AP3B1: variants seen among roughly 807,000 people sequenced by gnomAD.
AP3B1 encodes adaptor related protein complex 3 subunit beta 1.
Under a neutral mutation model 132.5 loss-of-function variants are expected in AP3B1, and 61 were observed. The ratio of observed to expected loss-of-function variants is 0.46; its 90% CI spans 0.37 to 0.57. AP3B1 has a LOEUF of 0.57. Among genes scored for constraint, AP3B1 ranks in the 20% least tolerant of loss-of-function variants. The pLI, the probability that AP3B1 is intolerant of heterozygous loss-of-function variation, is 0.00. For synonymous variants in AP3B1, 388 were observed against 438.3 expected (o/e 0.89, Z 1.43); for missense variants, 1,120 against 1,289.4 (o/e 0.87, Z 2.01).
At chr5:78,202,842 T>C (rs968931327) in intron 7 of AP3B1, among the ~76,000 whole-genome samples, 16 of 152,134 alleles carry the variant, frequency 1.1e-4, no homozygotes, top group Admixed American at 2.0e-4. Flanking sequence ...TAAACAAATA[T>C]TGAATTCTAA....
At chr5:78,055,500 G>A (rs1748772560) in intron 22 of AP3B1, among the ~76,000 whole-genome samples, 1 of 152,190 alleles carries the variant, frequency 6.6e-6, no homozygotes, top group African/African-American at 2.4e-5. Context: ...GTGACAGTGT[G>A]TTGCTGGTGA....
chr5:78,114,304 G>C (rs894746895), intron 18 of AP3B1, among the ~76,000 whole-genome samples: 2 of 152,064 alleles, frequency 1.3e-5, no homozygotes, highest in East Asian at 1.9e-4. Flanking sequence ...TCTTCTGCTT[G>C]TAATGGGAAA....
intron 2 of AP3B1, among the ~76,000 whole-genome samples, chr5:78,247,167 A>G (rs1164430651): frequency 1.3e-5 from 2 of 151,384 alleles, no homozygotes; most frequent in Non-Finnish European, 3.0e-5. Flanking sequence ...GTTTAATTCT[A>G]TATGGTCAGA....
At chr5:78,138,829 G>C (rs931284083) in intron 15 of AP3B1, among the ~76,000 whole-genome samples, 2 of 151,644 alleles carry the variant, frequency 1.3e-5, no homozygotes, top group African/African-American at 4.8e-5. Context: ...AATTAGCCAG[G>C]CATGGTGGCA....
intron 14 of AP3B1, among the ~76,000 whole-genome samples, chr5:78,144,394 G>A (rs1182207065): frequency 2.0e-5 from 3 of 152,160 alleles, no homozygotes; most frequent in Non-Finnish European, 4.4e-5. Flanking sequence ...GAAAGATTTT[G>A]CAGATCACTC....
intron 7 of AP3B1, among the ~76,000 whole-genome samples, chr5:78,208,316 G>T (rs1745595729): frequency 6.6e-6 from 1 of 152,144 alleles, no homozygotes; most frequent in African/African-American, 2.4e-5. Context: ...ACTGTGTTCA[G>T]CTATATATAA....
intron 22 of AP3B1, among the ~76,000 whole-genome samples, chr5:78,041,518 C>T (rs1748085566): frequency 6.6e-6 from 1 of 151,298 alleles, no homozygotes; most frequent in South Asian, 2.1e-4. Context: ...ATGATTAGGT[C>T]ACTGCACTCC....
At chr5:78,096,373 C>T (rs1206287312) in intron 21 of AP3B1, among the ~76,000 whole-genome samples, 2 of 152,218 alleles carry the variant, frequency 1.3e-5, no homozygotes, top group African/African-American at 4.8e-5. Context: ...ACCTCCACCT[C>T]CCAGCCACCT....
At chr5:78,053,104 T>C (rs947416018) in intron 22 of AP3B1, among the ~76,000 whole-genome samples, 4 of 152,258 alleles carry the variant, frequency 2.6e-5, no homozygotes, top group African/African-American at 9.6e-5. Flanking sequence ...GCAGTTCTAC[T>C]GCTTTTTCAT....
At chr5:78,198,491 G>A (rs1187187736) in intron 7 of AP3B1, among the ~76,000 whole-genome samples, 1 of 152,160 alleles carries the variant, frequency 6.6e-6, no homozygotes, top group Non-Finnish European at 1.5e-5. Context: ...TGGAAGAGAG[G>A]AAGCAAGCTT....
intron 9 of AP3B1, among the ~76,000 whole-genome samples, chr5:78,176,366 T>C (rs1580447373): frequency 1.3e-5 from 2 of 151,364 alleles, no homozygotes; most frequent in African/African-American, 4.8e-5. Context: ...AGTATTGAAC[T>C]AGCAAAAGAG....
chr5:78,133,291 G>T (rs1445183812), intron 15 of AP3B1, among the ~76,000 whole-genome samples: 1 of 152,206 alleles, frequency 6.6e-6, no homozygotes, highest in Non-Finnish European at 1.5e-5. Flanking sequence ...CTAAAAGGAA[G>T]AAGTTAGTTA....
intron 20 of AP3B1, among the ~76,000 whole-genome samples, chr5:78,109,106 C>T (rs1751467106): frequency 6.6e-6 from 1 of 151,696 alleles, no homozygotes; most frequent in African/African-American, 2.4e-5. Context: ...TTATATGAGG[C>T]CAGATTAATA....
chr5:78,084,470 G>C (rs1750144539), intron 22 of AP3B1, among the ~76,000 whole-genome samples: 1 of 129,512 alleles, frequency 7.7e-6, no homozygotes, highest in Non-Finnish European at 1.5e-5. Flanking sequence ...GTTGCAGTGA[G>C]CCAAGATCAC....
intron 11 of AP3B1, among the ~76,000 whole-genome samples, chr5:78,173,428 A>G (rs1223075479): frequency 6.6e-6 from 1 of 152,082 alleles, no homozygotes. Context: ...TTGCTTTATG[A>G]ATCTGGGTGC....
intron 1 of AP3B1, among the ~76,000 whole-genome samples, chr5:78,276,993 A>G (rs1748808032): frequency 6.6e-6 from 1 of 152,166 alleles, no homozygotes; most frequent in African/African-American, 2.4e-5. Context: ...AGCAAATTGA[A>G]CTCAAAGTAC....
intron 4 of AP3B1, 78 bp downstream of exon 4, chr5:78,228,066 C>G (rs146421906): frequency 4.0e-5 from 38 of 953,144 alleles, no homozygotes; most frequent in Non-Finnish European, 5.5e-5. Flanking sequence ...AGTGGATTAT[C>G]GCTCCACTTC....
At chr5:78,139,860 C>T (rs993206538) in intron 15 of AP3B1, among the ~76,000 whole-genome samples, 3 of 151,298 alleles carry the variant, frequency 2.0e-5, no homozygotes, top group Admixed American at 6.6e-5. Context: ...AGTACGGGGG[C>T]GGGGCACGAA....
chr5:78,205,038 G>A (rs531032497), intron 7 of AP3B1, among the ~76,000 whole-genome samples: 35 of 151,918 alleles, frequency 2.3e-4, no homozygotes, highest in Non-Finnish European at 4.0e-4. Flanking sequence ...ATAAAATGTT[G>A]GGGAAAATAT....
Sources: gnomAD v4.1 joint callset for allele counts (sites outside exome capture counted in the v4.1 genomes callset) on GRCh38, gnomAD v4.1.1 for gene constraint, MANE v1.5 for transcripts, NCBI Gene and HGNC (gene_info 2026-07-23, HGNC 2026-07-21) for gene names.